GABRG3: variants seen among roughly 807,000 people sequenced by gnomAD.
GABRG3 encodes gamma-aminobutyric acid type A receptor subunit gamma3, also known as gamma-aminobutyric acid receptor subunit gamma-3.
In GABRG3, 25 loss-of-function variants were observed where a neutral mutation model predicts 48.8. That is an observed-to-expected ratio of 0.51 (90% CI 0.37 to 0.72). GABRG3 has a LOEUF of 0.72. Ranked by LOEUF, GABRG3 falls within the 30% of genes least tolerant of loss-of-function variation. The probability of loss-of-function intolerance (pLI) is 0.00; values close to 1 mark genes in which losing one functional copy is unlikely to be tolerated. For synonymous variants in GABRG3, 227 were observed against 217.6 expected, an observed-to-expected ratio of 1.04 and a Z score of -0.38; for missense variants, 394 against 577.9, an observed-to-expected ratio of 0.68 and a Z score of 3.26.
At chr15:27,336,647 C>T (rs937921426) in intron 5 of GABRG3, among the ~76,000 whole-genome samples, 2 of 152,106 alleles carry the variant, frequency 1.3e-5, no homozygotes, top group African/African-American at 2.4e-5. Context: ...TATGACCTAG[C>T]GATTGCAAGC....
intron 2 of GABRG3, among the ~76,000 whole-genome samples, chr15:27,003,201 A>ATATT (rs199745733): frequency 0.23 from 32,530 of 138,922 alleles, 3,814 homozygotes; most frequent in South Asian, 0.31. Flanking sequence ...TTTTTATTTT[A>ATATT]TATTTATTTA....
intron 3 of GABRG3, among the ~76,000 whole-genome samples, chr15:27,316,563 C>T (rs770220591): frequency 1.5e-3 from 229 of 152,176 alleles, no homozygotes; most frequent in Non-Finnish European, 2.0e-3. Context: ...AGTAACTGCA[C>T]GGTAAATGTC....
At position 27,527,995 on chromosome 15, in the gene GABRG3, A is replaced by G. The variant is rs1382852813; in HGVS notation, c.1122+3A>G. 6.3e-7 allele frequency: 1 copy of G among 1,592,422 alleles called. No individual in the cohort carries two copies. Among genetic ancestry groups the G allele is most frequent in the Non-Finnish European group, 8.6e-7 (1 of 1,166,824 alleles). ...GAATAAGCCTACAAGCCCCTTCCGT[A>G]CGTATAGCATTGCAGGTGCCAATAT... On this transcript the variant is annotated splice_donor_region_variant and intron_variant, in intron 9 of 9. Transcript: ENST00000615808.
At chr15:27,404,606 A>T (rs1049779885) in intron 5 of GABRG3, among the ~76,000 whole-genome samples, 1 of 152,182 alleles carries the variant, frequency 6.6e-6, no homozygotes, top group Non-Finnish European at 1.5e-5. Context: ...TTGGGCTACA[A>T]AAATGATGCT....
intron 5 of GABRG3, among the ~76,000 whole-genome samples, chr15:27,392,646 T>C (rs1233833706): frequency 6.6e-6 from 1 of 152,204 alleles, no homozygotes; most frequent in Admixed American, 6.5e-5. Context: ...ACTCACACTT[T>C]AAGGACTAGG....
At chr15:27,201,696 C>T (rs944720954) in intron 3 of GABRG3, among the ~76,000 whole-genome samples, 1 of 152,096 alleles carries the variant, frequency 6.6e-6, no homozygotes, top group African/African-American at 2.4e-5. Context: ...GGATATGGGT[C>T]TCTGGTCTTT....
intron 3 of GABRG3, among the ~76,000 whole-genome samples, chr15:27,100,247 A>G (rs986424775): frequency 6.6e-6 from 1 of 151,850 alleles, no homozygotes; most frequent in African/African-American, 2.4e-5. Flanking sequence ...ATCAGAATTA[A>G]TGGACCAGTT....
At chr15:27,396,732 A>T (rs1045702997) in intron 5 of GABRG3, among the ~76,000 whole-genome samples, 3 of 152,232 alleles carry the variant, frequency 2.0e-5, no homozygotes, top group African/African-American at 7.2e-5. Context: ...AAAGCCCTCC[A>T]GACTTCCTTC....
chr15:27,487,245 C>T (rs1233573158), intron 6 of GABRG3, among the ~76,000 whole-genome samples: 1 of 152,214 alleles, frequency 6.6e-6, no homozygotes, highest in Non-Finnish European at 1.5e-5. Flanking sequence ...CAAATCATAT[C>T]TGAATATGTC....
chr15:27,047,221 TAC>T (rs1896380770), intron 3 of GABRG3, among the ~76,000 whole-genome samples: 1 of 152,204 alleles, frequency 6.6e-6, no homozygotes, highest in South Asian at 2.1e-4. Flanking sequence ...TTCCCAGTCT[TAC>T]AGTTATCATA....
chr15:27,049,370 A>G lies in GABRG3; in HGVS notation c.270+22549A>G, dbSNP rs77810095. 6.9e-3 allele frequency among the ~76,000 whole-genome samples: 1,052 copies of G among 152,270 alleles called. 8 individuals are homozygous for G. The highest frequency in any genetic ancestry group is 0.023 in the African/African-American group (972 of 41,550). On this transcript the variant is annotated intron_variant, in intron 3 of 9. Transcript: ENST00000615808. ...CCTCATATGGTCTTAGAATTTCACT[A>G]TCTTCCTGGAGCACCTGCTAGCTGT... is the stretch of plus-strand genomic sequence containing the variant.
At chr15:27,201,373 A>T (rs11639452) in intron 3 of GABRG3, among the ~76,000 whole-genome samples, 87,186 of 148,980 alleles carry the variant, frequency 0.59, 26,009 homozygotes, top group East Asian at 0.81. Context: ...TGTGTGTGTG[A>T]GAGAGAAAGA....
chr15:27,078,894 T>C lies in GABRG3; in HGVS notation c.270+52073T>C, dbSNP rs74006573. Among the ~76,000 whole-genome samples, 155 of 152,318 alleles carry C rather than the reference T, an allele frequency of 1.0e-3. 1 individual carries two copies. Among genetic ancestry groups the C allele is most frequent in the African/African-American group, 3.7e-3 (152 of 41,580 alleles). On this transcript the variant is annotated intron_variant, in intron 3 of 9. Transcript: ENST00000615808. Reference sequence around the variant, plus strand: ...TCATTGCAGATGTACTTACTTAAGATGAGGTCACACAGGACTAGTAGGGTG... The same window carrying C: ...TCATTGCAGATGTACTTACTTAAGACGAGGTCACACAGGACTAGTAGGGTG...
At chr15:26,979,664 G>A (rs1240342295) in intron 2 of GABRG3, among the ~76,000 whole-genome samples, 1 of 152,014 alleles carries the variant, frequency 6.6e-6, no homozygotes, top group African/African-American at 2.4e-5. Context: ...TCAATATGGT[G>A]GATTATATTA....
chr15:27,536,331 T>C lies in GABRG3; in HGVS notation c.*3450T>C, dbSNP rs1891546229. The C allele has an allele frequency of 6.6e-6, 1 of 152,224 alleles. No individual in the cohort carries two copies. The highest frequency in any genetic ancestry group is 6.5e-5 in the Admixed American group (1 of 15,286). The allele number at this position is 152,224 out of a possible 1,614,324, so 9.4% of individuals were successfully genotyped here. A position where few individuals can be genotyped will look rare whatever the true frequency, so the allele number is the denominator to read the frequency against. ...AGGACAAAGTTAGTATAATTTACTC[T>C]GGACCCAGCCAATACTGCCCCCAAT... On this transcript the variant is annotated 3_prime_UTR_variant, in exon 10 of 10. Transcript: ENST00000615808.
In GABRG3 at chr15:26,981,672, G is replaced by C. The variant is rs532702510; in HGVS notation, c.202+4522G>C. 5.3e-5 allele frequency among the ~76,000 whole-genome samples: 8 copies of C among 152,334 alleles called. No homozygotes were observed. In the East Asian group the frequency reaches 1.5e-3, roughly 29 times the overall value. On this transcript the variant is annotated intron_variant, in intron 2 of 9. Coordinates refer to ENST00000615808, the MANE Select transcript of GABRG3 (RefSeq NM_033223.5). ...CACATACAATTGCTGGTACAGGCAT[G>C]CACTGGCCTTGTGGTGACAGTAAGG... is the stretch of plus-strand genomic sequence containing the variant.
chr15:27,351,271 TTGTG>T (rs1375801350), intron 5 of GABRG3, among the ~76,000 whole-genome samples: 9 of 128,558 alleles, frequency 7.0e-5, no homozygotes, highest in Non-Finnish European at 1.5e-4. Context: ...GTGTGTGTGT[TTGTG>T]TGTATATGTT....
chr15:27,114,305 T>C (rs1455401255), intron 3 of GABRG3, among the ~76,000 whole-genome samples: 2 of 152,196 alleles, frequency 1.3e-5, no homozygotes, highest in Non-Finnish European at 2.9e-5. Context: ...TTCTAGGATT[T>C]TTCAGTGGAA....
chr15:27,179,805 A>G lies in GABRG3; in HGVS notation c.271-147004A>G, dbSNP rs909720438. Among the ~76,000 whole-genome samples the G allele has an allele frequency of 2.0e-5, 3 of 152,220 alleles. No homozygotes were observed. The highest frequency in any genetic ancestry group is 6.5e-5 in the Admixed American group (1 of 15,288). The stretch of plus-strand genomic sequence containing the variant: ...CACCGGGTCTTTGGAAAAGAAAACT[A>G]TAATGATTAAAGGGAGGAGAGCTGC... On this transcript the variant is annotated intron_variant, in intron 3 of 9. Transcript: ENST00000615808. The surrounding 1 kb of genome is among the most constrained non-coding windows in gnomAD (Gnocchi z 4.0).
Sources: allele counts gnomAD v4.1 joint callset (sites outside exome capture counted in the v4.1 genomes callset), GRCh38; gene constraint gnomAD v4.1.1; non-coding constraint Gnocchi (gnomAD v3.1); transcripts MANE v1.5; gene names NCBI Gene and HGNC (gene_info 2026-07-23, HGNC 2026-07-21).